FOXP2: variants seen among roughly 807,000 people sequenced by gnomAD.
The protein encoded by FOXP2 is forkhead box P2.
In FOXP2, 12 loss-of-function variants were observed where a neutral mutation model predicts 115.8. The ratio of observed to expected loss-of-function variants is 0.10; its 90% confidence interval spans 0.07 to 0.17. The LOEUF is 0.17. Ranked by LOEUF, FOXP2 falls within the 10% of genes least tolerant of loss-of-function variation. The probability of loss-of-function intolerance (pLI) is 1.00; values close to 1 mark genes in which losing one functional copy is unlikely to be tolerated. For missense variants in FOXP2, 629 were observed against 843.5 expected, an observed-to-expected ratio of 0.75 and a Z score of 3.15; for synonymous variants, 328 against 297.7, an observed-to-expected ratio of 1.10 and a Z score of -1.05.
chr7:114,660,738 A>G (rs1368612278), intron 13 of FOXP2, among the ~76,000 whole-genome samples: 1 of 152,120 alleles, frequency 6.6e-6, no homozygotes, highest in Non-Finnish European at 1.5e-5. Context: ...GTTTTCAGTA[A>G]GTAATATTTA....
At chr7:114,636,212 TATGGGTATCCAGAGGTCAAGGCTGG>T (rs770833941) in intron 6 of FOXP2, among the ~76,000 whole-genome samples, 86 of 152,310 alleles carry the variant, frequency 5.6e-4, no homozygotes, top group Non-Finnish European at 9.3e-4. Flanking sequence ...GAAGAAGAGA[TATGGGTATCCAGAGGTCAAGGCTGG>T]TAGGGAAGTT....
chr7:114,456,412 C>T (rs1795314444), intron 2 of FOXP2, among the ~76,000 whole-genome samples: 1 of 152,070 alleles, frequency 6.6e-6, no homozygotes, highest in Non-Finnish European at 1.5e-5. Context: ...CTACTCTGAC[C>T]CTTAGTAGTT....
chr7:114,334,021 T>C (rs1282281075), intron 2 of FOXP2, among the ~76,000 whole-genome samples: 5 of 152,164 alleles, frequency 3.3e-5, no homozygotes, highest in Admixed American at 3.3e-4. Flanking sequence ...ACAAAGGAAA[T>C]GCAAACTTAT....
At chr7:114,637,646 A>G (rs1413198853) in intron 6 of FOXP2, among the ~76,000 whole-genome samples, 1 of 152,178 alleles carries the variant, frequency 6.6e-6, no homozygotes, top group Non-Finnish European at 1.5e-5. Flanking sequence ...CATACATTTT[A>G]GTGTAGAAGG....
chr7:114,171,679 C>T (rs973846687), intron 1 of FOXP2, among the ~76,000 whole-genome samples: 1 of 152,078 alleles, frequency 6.6e-6, no homozygotes, highest in Non-Finnish European at 1.5e-5. Flanking sequence ...TTCCATAGCG[C>T]ACAGATCAAG....
chr7:114,096,896 G>A (rs534127410), intron 1 of FOXP2, among the ~76,000 whole-genome samples: 145 of 152,206 alleles, frequency 9.5e-4, no homozygotes, highest in South Asian at 1.7e-3. Context: ...ATGTGAATGA[G>A]TAGTTTTATG....
chr7:114,390,855 C>G (rs1420632453), intron 2 of FOXP2, among the ~76,000 whole-genome samples: 1 of 152,122 alleles, frequency 6.6e-6, no homozygotes, highest in African/African-American at 2.4e-5. Context: ...CCTTACCCAG[C>G]CTGCCTCATA....
intron 1 of FOXP2, among the ~76,000 whole-genome samples, chr7:114,119,838 C>T (rs1384413787): frequency 6.6e-6 from 1 of 152,100 alleles, no homozygotes; most frequent in Non-Finnish European, 1.5e-5. Flanking sequence ...GCTTAAAAAT[C>T]ACCTGCAGAA....
intron 2 of FOXP2, among the ~76,000 whole-genome samples, chr7:114,532,720 A>C (rs1368076186): frequency 6.6e-6 from 1 of 151,896 alleles, no homozygotes; most frequent in Non-Finnish European, 1.5e-5. Context: ...AATTTAATAT[A>C]AATTAAGGCA....
chr7:114,252,356 C>T (rs1256762272), intron 1 of FOXP2, among the ~76,000 whole-genome samples: 1 of 152,140 alleles, frequency 6.6e-6, no homozygotes, highest in Admixed American at 6.6e-5. Flanking sequence ...GGAATAGTTT[C>T]AGAAGGAATG....
chr7:114,691,767 ACCGGTT>A lies in FOXP2; in HGVS notation c.*1843_*1848del. 1 of 453,570 alleles carries A rather than the reference ACCGGTT, an allele frequency of 2.2e-6. No individual in the cohort carries two copies. The highest frequency in any genetic ancestry group is 4.4e-6 in the Non-Finnish European group (1 of 226,386). 28.1% of individuals were successfully genotyped at this position (453,570 alleles called of 1,614,324 possible). On this transcript the variant is annotated 3_prime_UTR_variant, in exon 17 of 17. Coordinates refer to ENST00000350908, the MANE Select transcript of FOXP2 (RefSeq NM_014491.4). ...ATACGTTCCCGTTCCATGTGATGGA[ACCGGTT>A]CTTGCAAACTAAGCTCATCATTGAT...
intron 1 of FOXP2, among the ~76,000 whole-genome samples, chr7:114,191,380 T>G (rs1170731556): frequency 9.9e-5 from 15 of 152,174 alleles, no homozygotes. Flanking sequence ...TGTGGCCCAA[T>G]GAAAGTATTT....
intron 3 of FOXP2, among the ~76,000 whole-genome samples, chr7:114,540,381 C>A (rs897129488): frequency 6.6e-6 from 1 of 151,974 alleles, no homozygotes; most frequent in Non-Finnish European, 1.5e-5. Context: ...AATAATAGAG[C>A]TCAATAAATA....
At chr7:114,508,990 A>C (rs1797949275) in intron 2 of FOXP2, among the ~76,000 whole-genome samples, 1 of 152,122 alleles carries the variant, frequency 6.6e-6, no homozygotes, top group Non-Finnish European at 1.5e-5. Context: ...AGAGATCTTA[A>C]AGAAGTAAAA....
chr7:114,358,895 G>A (rs751229310), intron 2 of FOXP2, among the ~76,000 whole-genome samples: 7 of 152,166 alleles, frequency 4.6e-5, no homozygotes, highest in Non-Finnish European at 8.8e-5. Flanking sequence ...AACATGTGCA[G>A]CCTAGTGATG....
intron 3 of FOXP2, among the ~76,000 whole-genome samples, chr7:114,554,337 TC>T (rs1435857438): frequency 6.6e-6 from 1 of 152,148 alleles, no homozygotes; most frequent in African/African-American, 2.4e-5. Flanking sequence ...AATGTAATTG[TC>T]AAATTGGTGT....
At chr7:114,361,283 T>C (rs533284642) in intron 2 of FOXP2, among the ~76,000 whole-genome samples, 8 of 152,208 alleles carry the variant, frequency 5.3e-5, no homozygotes, top group African/African-American at 1.9e-4. Flanking sequence ...TTCAGTCTCA[T>C]GTAAGAAAGT....
chr7:114,475,861 T>C (rs1386033442), intron 2 of FOXP2, among the ~76,000 whole-genome samples: 1 of 151,988 alleles, frequency 6.6e-6, no homozygotes, highest in Non-Finnish European at 1.5e-5. Flanking sequence ...ACTATGACTA[T>C]GTCAAATAGT....
chr7:114,226,001 T>C (rs1291597747), intron 1 of FOXP2, among the ~76,000 whole-genome samples: 1 of 152,146 alleles, frequency 6.6e-6, no homozygotes, highest in Admixed American at 6.6e-5. Flanking sequence ...GAACTGCACT[T>C]GTTAACTTTA....
Sources: allele counts gnomAD v4.1 joint callset (sites outside exome capture counted in the v4.1 genomes callset), GRCh38; gene constraint gnomAD v4.1.1; transcripts MANE v1.5; gene names NCBI Gene and HGNC (gene_info 2026-07-23, HGNC 2026-07-21).